NOL4: variants seen among roughly 807,000 people sequenced by gnomAD.
The protein encoded by NOL4 is cancer/testis antigen 125.
In NOL4, 17 loss-of-function variants were observed where a neutral mutation model predicts 75.9. That is an observed-to-expected ratio of 0.22 (90% confidence interval 0.15 to 0.34). The LOEUF is 0.34. NOL4 is among the 10% of genes least tolerant of loss of function. NOL4 has a pLI of 1.00. For missense variants in NOL4, 614 were observed against 793.5 expected, an observed-to-expected ratio of 0.77 and a Z score of 2.72; for synonymous variants, 292 against 289.9, an observed-to-expected ratio of 1.01 and a Z score of -0.07.
chr18:33,943,222 A>G, intron 8 of NOL4, 44 bp from the exon 9 acceptor site: 1 of 1,316,942 alleles, frequency 7.6e-7, no homozygotes, highest in Non-Finnish European at 1.1e-6. Flanking sequence ...TATTAACAGT[A>G]TCATTAACAG....
intron 1 of NOL4, among the ~76,000 whole-genome samples, chr18:34,135,711 A>AAAAAAAAAG: frequency 6.7e-6 from 1 of 150,292 alleles, no homozygotes; most frequent in Non-Finnish European, 1.5e-5. Context: ...AAAAAAAAAA[A>AAAAAAAAAG]GCTTTTCACA....
chr18:34,063,675 T>C (rs1457090692), intron 5 of NOL4, among the ~76,000 whole-genome samples: 1 of 152,062 alleles, frequency 6.6e-6, no homozygotes, highest in East Asian at 1.9e-4. Flanking sequence ...TAAAGAATTT[T>C]TGTTAGGACC....
intron 9 of NOL4, among the ~76,000 whole-genome samples, chr18:33,887,864 G>A (rs2064855289): frequency 6.6e-6 from 1 of 152,122 alleles, no homozygotes; most frequent in Non-Finnish European, 1.5e-5. Context: ...ATTGTGAATA[G>A]TGCCGCAATA....
intron 6 of NOL4, among the ~76,000 whole-genome samples, chr18:33,985,179 G>C (rs2072332268): frequency 6.6e-6 from 1 of 152,008 alleles, no homozygotes; most frequent in Non-Finnish European, 1.5e-5. Flanking sequence ...TTAACAATTA[G>C]CTTTAAAACT....
At chr18:34,214,799 A>G (rs1246865647) in intron 1 of NOL4, among the ~76,000 whole-genome samples, 1 of 152,210 alleles carries the variant, frequency 6.6e-6, no homozygotes. Flanking sequence ...ACAAAATGGC[A>G]TATACCTACA....
chr18:34,053,737 A>G (rs1480868245), intron 5 of NOL4, among the ~76,000 whole-genome samples: 3 of 151,956 alleles, frequency 2.0e-5, no homozygotes, highest in South Asian at 2.1e-4. Flanking sequence ...ACCAGTTTCC[A>G]AAAAAGGGGG....
At chr18:34,000,713 T>G (rs1332193541) in intron 6 of NOL4, among the ~76,000 whole-genome samples, 1 of 152,110 alleles carries the variant, frequency 6.6e-6, no homozygotes, top group Non-Finnish European at 1.5e-5. Context: ...GTGTAAGCAC[T>G]TGATAATGTC....
intron 5 of NOL4, among the ~76,000 whole-genome samples, chr18:34,056,156 T>A (rs749133100): frequency 1.3e-5 from 2 of 152,196 alleles, no homozygotes; most frequent in African/African-American, 2.4e-5. Flanking sequence ...AAGGTTTTGT[T>A]TTGTACATTT....
chr18:33,962,548 C>T (rs991927800), intron 6 of NOL4, among the ~76,000 whole-genome samples: 24 of 152,140 alleles, frequency 1.6e-4, no homozygotes, highest in Admixed American at 1.5e-3. Context: ...ACTAACATAT[C>T]ATAACTATAT....
intron 5 of NOL4, among the ~76,000 whole-genome samples, chr18:34,053,037 C>T (rs1010751279): frequency 6.6e-6 from 1 of 151,950 alleles, no homozygotes; most frequent in African/African-American, 2.4e-5. Flanking sequence ...GCAGCTTTTT[C>T]CCTCAGGGAA....
chr18:34,207,341 T>C (rs1481221659), intron 1 of NOL4, among the ~76,000 whole-genome samples: 4 of 152,214 alleles, frequency 2.6e-5, no homozygotes, highest in African/African-American at 4.8e-5. Flanking sequence ...AAAAATATTA[T>C]ATTTGGATAG....
chr18:34,068,180 A>G (rs1014657644), intron 5 of NOL4, among the ~76,000 whole-genome samples: 2 of 152,170 alleles, frequency 1.3e-5, no homozygotes, highest in South Asian at 2.1e-4. Context: ...CCTGCTACAG[A>G]GGGAGAGGCT....
intron 1 of NOL4, among the ~76,000 whole-genome samples, chr18:34,180,817 G>T (rs1439943366): frequency 6.6e-6 from 1 of 151,030 alleles, no homozygotes; most frequent in African/African-American, 2.4e-5. Context: ...GACTAAGAAA[G>T]CAATCTATTT....
intron 1 of NOL4, among the ~76,000 whole-genome samples, chr18:34,189,546 G>A (rs530572807): frequency 2.6e-5 from 4 of 152,240 alleles, no homozygotes; most frequent in African/African-American, 4.8e-5. Context: ...AACAAGAAAT[G>A]TATTAGTGAG....
chr18:34,146,997 A>C (rs1319615525), intron 1 of NOL4, among the ~76,000 whole-genome samples: 1 of 151,984 alleles, frequency 6.6e-6, no homozygotes, highest in African/African-American at 2.4e-5. Context: ...ATGGGAGTTC[A>C]CTCATGATTT....
intron 1 of NOL4, among the ~76,000 whole-genome samples, chr18:34,174,497 T>C (rs1349564857): frequency 6.6e-6 from 1 of 152,140 alleles, no homozygotes; most frequent in African/African-American, 2.4e-5. Flanking sequence ...TATGTTTCAG[T>C]AGCCTTGAAA....
chr18:34,124,334 A>AT (rs1391841791), intron 2 of NOL4, among the ~76,000 whole-genome samples: 1 of 152,198 alleles, frequency 6.6e-6, no homozygotes, highest in Non-Finnish European at 1.5e-5. Flanking sequence ...AACACACAGT[A>AT]TTTTTATATT....
At chr18:33,986,529 G>A (rs1668717515) in intron 6 of NOL4, among the ~76,000 whole-genome samples, 1 of 152,038 alleles carries the variant, frequency 6.6e-6, no homozygotes, top group Admixed American at 6.6e-5. Context: ...GACAAAGAAT[G>A]GTTTAAAACT....
intron 6 of NOL4, among the ~76,000 whole-genome samples, chr18:33,975,643 C>T (rs943456159): frequency 3.9e-5 from 6 of 152,094 alleles, no homozygotes; most frequent in Non-Finnish European, 8.8e-5. Context: ...GGCATGGTGG[C>T]GGGTACCTGT....
Sources: gnomAD v4.1 joint callset for allele counts (sites outside exome capture counted in the v4.1 genomes callset) on GRCh38, gnomAD v4.1.1 for gene constraint, MANE v1.5 for transcripts, NCBI Gene and HGNC (gene_info 2026-07-23, HGNC 2026-07-21) for gene names.